The following CDKN2B-AS1 variants were observed in gnomAD, a reference collection of about 807,000 sequenced individuals.
CDKN2B-AS1 encodes the protein CDKN2B antisense RNA 1 (non-protein coding).
At chr9:22,016,025 T>C (rs1323846833) in intron 1 of CDKN2B-AS1, among the ~76,000 whole-genome samples, 1 of 152,158 alleles carries the variant, frequency 6.6e-6, no homozygotes, top group African/African-American at 2.4e-5. Flanking sequence ...GTCGCGAAAA[T>C]TTTCTCCCAT....
intron 4 of CDKN2B-AS1, among the ~76,000 whole-genome samples, chr9:22,060,644 G>T (rs1823777643): frequency 6.6e-6 from 1 of 152,054 alleles, no homozygotes; most frequent in Admixed American, 6.5e-5. Flanking sequence ...CACTCTACTG[G>T]TACCAATTTA....
chr9:22,081,498 C>T (rs1310543072), intron 4 of CDKN2B-AS1, among the ~76,000 whole-genome samples: 1 of 152,176 alleles, frequency 6.6e-6, no homozygotes, highest in Admixed American at 6.5e-5. Flanking sequence ...AAGTTCTTCT[C>T]TACTCCAGAG....
chr9:22,009,586 C>T (rs538288109), intron 1 of CDKN2B-AS1, among the ~76,000 whole-genome samples: 30 of 152,364 alleles, frequency 2.0e-4, no homozygotes, highest in African/African-American at 7.0e-4. Flanking sequence ...AGCTCCTAAT[C>T]CCCAGTAGGC....
In CDKN2B-AS1 at chr9:22,006,213, A is replaced by C. The variant is rs760928344; in HGVS notation, n.29+11052A>C. On this transcript the variant is annotated intron_variant and non_coding_transcript_variant, in intron 1 of 4. Transcript: ENST00000650946. This position sits in a 1 kb window ranked among gnomAD's most constrained non-coding sequence, Gnocchi z 6.4. ...GGGCTCCGCGCCGTGGAGCAGCAGC[A>C]GCTCCGCCACGCGGGCGCTGCCCAT... 37 of 1,608,024 alleles carry C rather than the reference A, an allele frequency of 2.3e-5. No individual in the cohort carries two copies. The highest frequency in any genetic ancestry group is 3.0e-5 in the Non-Finnish European group (35 of 1,179,884).
intron 4 of CDKN2B-AS1, among the ~76,000 whole-genome samples, chr9:22,094,998 T>C (rs1023243148): frequency 6.9e-6 from 1 of 144,958 alleles, no homozygotes. Context: ...TTGGTGTGGA[T>C]GTCCTTTCTG....
chr9:22,106,144 A>G (rs1825651582), intron 4 of CDKN2B-AS1, among the ~76,000 whole-genome samples: 1 of 152,066 alleles, frequency 6.6e-6, no homozygotes, highest in African/African-American at 2.4e-5. Flanking sequence ...GTGCAGTGGC[A>G]TGAACTCGGC....
At chr9:22,044,248 A>G (rs1823018053) in intron 1 of CDKN2B-AS1, among the ~76,000 whole-genome samples, 1 of 152,014 alleles carries the variant, frequency 6.6e-6, no homozygotes, top group African/African-American at 2.4e-5. Flanking sequence ...GATTAACATA[A>G]TTACTTTTAG....
At chr9:22,038,803 T>G (rs1465094946) in intron 1 of CDKN2B-AS1, among the ~76,000 whole-genome samples, 1 of 152,040 alleles carries the variant, frequency 6.6e-6, no homozygotes, top group Non-Finnish European at 1.5e-5. Flanking sequence ...AGTATGCATA[T>G]GTATTCCTTT....
At chr9:22,003,210 A>G (rs912108150) in intron 1 of CDKN2B-AS1, 2 of 217,464 alleles carry the variant, frequency 9.2e-6, no homozygotes, top group South Asian at 1.9e-4. Flanking sequence ...CATGGCATTG[A>G]TAAGTTACTA....
At chr9:22,008,618 T>C in intron 1 of CDKN2B-AS1, 1 of 1,559,164 alleles carries the variant, frequency 6.4e-7, no homozygotes, top group Non-Finnish European at 8.7e-7. Context: ...GGTTTTTCAA[T>C]GTCTCTCTTT....
At chr9:22,019,385 G>A (rs1821924823) in intron 1 of CDKN2B-AS1, among the ~76,000 whole-genome samples, 1 of 152,200 alleles carries the variant, frequency 6.6e-6, no homozygotes, top group African/African-American at 2.4e-5. Flanking sequence ...AAGTGCCTGA[G>A]CCAAGATGGA....
At chr9:22,095,910 C>A (rs1324902322) in intron 4 of CDKN2B-AS1, among the ~76,000 whole-genome samples, 3 of 151,348 alleles carry the variant, frequency 2.0e-5, no homozygotes, top group Non-Finnish European at 2.9e-5. Context: ...GATTGCAACC[C>A]CTGCCTTTTT....
At chr9:22,114,341 G>A (rs1825884507) in intron 4 of CDKN2B-AS1, among the ~76,000 whole-genome samples, 1 of 152,112 alleles carries the variant, frequency 6.6e-6, no homozygotes, top group African/African-American at 2.4e-5. Context: ...ATCTCTACTT[G>A]AATCACTGTG....
intron 4 of CDKN2B-AS1, among the ~76,000 whole-genome samples, chr9:22,099,884 C>A (rs142869917): frequency 6.6e-6 from 1 of 152,076 alleles, no homozygotes; most frequent in Non-Finnish European, 1.5e-5. Flanking sequence ...ACACAAGAAA[C>A]AAATAACACC....
intron 4 of CDKN2B-AS1, among the ~76,000 whole-genome samples, chr9:22,109,728 C>T (rs1205499547): frequency 1.3e-5 from 2 of 152,060 alleles, no homozygotes; most frequent in East Asian, 3.9e-4. Context: ...AGGAATTTGG[C>T]CTTAAAAGAG....
rs752233233 is a variant in CDKN2B-AS1 at position 21,997,328 on chromosome 9, T to A, written n.29+2167T>A. Among the ~76,000 whole-genome samples, 7 of 152,192 alleles carry A rather than the reference T, an allele frequency of 4.6e-5. No homozygotes were observed. The highest frequency in any genetic ancestry group is 6.5e-5 in the Admixed American group (1 of 15,284). ...CACTAGGGGATAGGAATTTTTCACA[T>A]CCATTATAATCTTATGGGACACCAC... On this transcript the variant is annotated intron_variant and non_coding_transcript_variant, in intron 1 of 4. Coordinates refer to ENST00000650946, the Ensembl canonical transcript of CDKN2B-AS1. This position sits in a 1 kb window ranked among gnomAD's most constrained non-coding sequence, Gnocchi z 4.8.
chr9:22,032,316 T>C (rs1822511591), intron 1 of CDKN2B-AS1, among the ~76,000 whole-genome samples: 1 of 152,184 alleles, frequency 6.6e-6, no homozygotes, highest in Non-Finnish European at 1.5e-5. Flanking sequence ...TTTTCTCTTA[T>C]TCTCCCATTT....
intron 4 of CDKN2B-AS1, among the ~76,000 whole-genome samples, chr9:22,116,431 A>C (rs1057343165): frequency 1.7e-4 from 26 of 152,242 alleles, no homozygotes; most frequent in African/African-American, 6.0e-4. Context: ...ATGAATGTAC[A>C]TACAAACTAG....
In CDKN2B-AS1 at chr9:22,006,102, C is replaced by T. The variant is rs1425823622; in HGVS notation, n.29+10941C>T. 5 of 1,609,334 alleles carry T rather than the reference C, an allele frequency of 3.1e-6. No individual in the cohort carries two copies. Among genetic ancestry groups the T allele is most frequent in the African/African-American group, 2.7e-5 (2 of 74,934 alleles). ...GCGCACGTCCAGCCGCGCCCCGGCC[C>T]GGTGCAGCACCACCAGCGTGTCCAG... On this transcript the variant is annotated intron_variant and non_coding_transcript_variant, in intron 1 of 4. Coordinates refer to ENST00000650946, the Ensembl canonical transcript of CDKN2B-AS1. The surrounding 1 kb of genome is among the most constrained non-coding windows in gnomAD (Gnocchi z 6.4).
Sources: gnomAD v4.1 joint callset for allele counts (sites outside exome capture counted in the v4.1 genomes callset) on GRCh38, gnomAD v4.1.1 for gene constraint, Gnocchi (gnomAD v3.1) non-coding constraint, MANE v1.5 for transcripts, NCBI Gene and HGNC (gene_info 2026-07-23, HGNC 2026-07-21) for gene names.